Variants in NKAIN2 observed in about 807,000 individuals in gnomAD.
NKAIN2 encodes the protein sodium/potassium-transporting ATPase subunit beta-1-interacting protein 2.
In NKAIN2, 14 loss-of-function variants were observed where a neutral mutation model predicts 32.6. The observed-to-expected ratio is 0.43, with a 90% confidence interval of 0.28 to 0.67. The LOEUF is 0.67. NKAIN2 is among the 30% of genes least tolerant of loss of function. NKAIN2 has a pLI of 0.17. For synonymous variants in NKAIN2, 80 were observed against 87.2 expected, an observed-to-expected ratio of 0.92 and a Z score of 0.46; for missense variants, 198 against 258.3, an observed-to-expected ratio of 0.77 and a Z score of 1.60.
intron 1 of NKAIN2, among the ~76,000 whole-genome samples, chr6:124,143,246 C>A (rs1787228995): frequency 6.6e-6 from 1 of 152,136 alleles, no homozygotes; most frequent in African/African-American, 2.4e-5. Flanking sequence ...CTGCTTGAAG[C>A]CATGAGAATG....
intron 5 of NKAIN2, among the ~76,000 whole-genome samples, chr6:124,812,316 C>A (rs921632618): frequency 2.0e-5 from 3 of 152,154 alleles, no homozygotes; most frequent in Admixed American, 6.6e-5. Context: ...TTACTAGCAT[C>A]TTCTGTGCTC....
At chr6:124,204,875 A>T (rs923529551) in intron 1 of NKAIN2, among the ~76,000 whole-genome samples, 1 of 151,654 alleles carries the variant, frequency 6.6e-6, no homozygotes, top group Non-Finnish European at 1.5e-5. Flanking sequence ...ACTATAATAC[A>T]GTCTGCTTCC....
At chr6:124,107,501 A>T (rs973793207) in intron 1 of NKAIN2, among the ~76,000 whole-genome samples, 2 of 152,142 alleles carry the variant, frequency 1.3e-5, no homozygotes, top group Admixed American at 6.5e-5. Flanking sequence ...CATTATTCAT[A>T]CTGTGTACCA....
intron 1 of NKAIN2, among the ~76,000 whole-genome samples, chr6:124,050,332 G>A (rs781104411): frequency 1.3e-5 from 2 of 151,998 alleles, no homozygotes; most frequent in East Asian, 1.9e-4. Flanking sequence ...TGGTCAAAGC[G>A]TTGGAGGTGG....
At chr6:124,339,477 C>T (rs1221981915) in intron 2 of NKAIN2, among the ~76,000 whole-genome samples, 1 of 152,170 alleles carries the variant, frequency 6.6e-6, no homozygotes, top group Non-Finnish European at 1.5e-5. Flanking sequence ...ATCCTTGCCT[C>T]TTCCAGGTTC....
At chr6:124,384,095 G>C (rs1349515385) in intron 3 of NKAIN2, among the ~76,000 whole-genome samples, 1 of 152,006 alleles carries the variant, frequency 6.6e-6, no homozygotes, top group African/African-American at 2.4e-5. Flanking sequence ...TAGAAATACT[G>C]CTATCCCAAA....
At chr6:124,490,416 T>TTTA (rs1341545584) in intron 3 of NKAIN2, 35 of 410,928 alleles carry the variant, frequency 8.5e-5, no homozygotes, top group Admixed American at 6.6e-4. Flanking sequence ...ATAGAGGTTT[T>TTTA]TTTTTTTTTT....
intron 4 of NKAIN2, among the ~76,000 whole-genome samples, chr6:124,679,244 T>C (rs1276001681): frequency 6.6e-6 from 1 of 152,150 alleles, no homozygotes; most frequent in Non-Finnish European, 1.5e-5. Flanking sequence ...CATTCTACCC[T>C]GAACCCGGGA....
At chr6:124,516,725 A>G (rs1489465791) in intron 3 of NKAIN2, among the ~76,000 whole-genome samples, 2 of 152,136 alleles carry the variant, frequency 1.3e-5, no homozygotes, top group Non-Finnish European at 2.9e-5. Context: ...ACCATAACCA[A>G]TTAGACACCT....
intron 5 of NKAIN2, among the ~76,000 whole-genome samples, chr6:124,809,475 A>T (rs1430633658): frequency 4.0e-3 from 589 of 148,500 alleles, no homozygotes; most frequent in Middle Eastern, 0.014. Context: ...CTTATACAAA[A>T]ATCAATTCAA....
intron 1 of NKAIN2, among the ~76,000 whole-genome samples, chr6:124,151,400 C>T (rs1787714799): frequency 6.6e-6 from 1 of 152,006 alleles, no homozygotes; most frequent in Non-Finnish European, 1.5e-5. Context: ...ATCCTCCTTT[C>T]TCCCTTCCAT....
At chr6:124,636,587 G>A (rs1783782000) in intron 3 of NKAIN2, among the ~76,000 whole-genome samples, 2 of 151,848 alleles carry the variant, frequency 1.3e-5, no homozygotes, top group Admixed American at 6.6e-5. Context: ...CATTACAACT[G>A]ATACCACAAA....
At chr6:124,185,733 GCTT>G (rs966613000) in intron 1 of NKAIN2, among the ~76,000 whole-genome samples, 1 of 152,114 alleles carries the variant, frequency 6.6e-6, no homozygotes, top group African/African-American at 2.4e-5. Flanking sequence ...CAGTTTCACA[GCTT>G]CTTCTTTTTA....
At chr6:123,809,383 A>G (rs1407089481) in intron 1 of NKAIN2, among the ~76,000 whole-genome samples, 1 of 152,066 alleles carries the variant, frequency 6.6e-6, no homozygotes, top group Non-Finnish European at 1.5e-5. Flanking sequence ...ATTTATTCCT[A>G]ATTTCTATAG....
At chr6:124,188,497 C>T (rs1190419727) in intron 1 of NKAIN2, among the ~76,000 whole-genome samples, 2 of 152,114 alleles carry the variant, frequency 1.3e-5, no homozygotes, top group Non-Finnish European at 2.9e-5. Context: ...TTATAAAATG[C>T]CTTCATGGTA....
chr6:123,918,039 T>C (rs1775578047), intron 1 of NKAIN2, among the ~76,000 whole-genome samples: 2 of 152,192 alleles, frequency 1.3e-5, no homozygotes, highest in Admixed American at 6.5e-5. Flanking sequence ...AATTATGTCC[T>C]TATTATATGA....
intron 1 of NKAIN2, among the ~76,000 whole-genome samples, chr6:123,845,445 C>T (rs1405507418): frequency 6.6e-6 from 1 of 152,162 alleles, no homozygotes; most frequent in East Asian, 1.9e-4. Flanking sequence ...GATGCGTTTT[C>T]CTTTTATACT....
At chr6:124,031,714 G>A (rs555412842) in intron 1 of NKAIN2, among the ~76,000 whole-genome samples, 1 of 152,110 alleles carries the variant, frequency 6.6e-6, no homozygotes, top group Non-Finnish European at 1.5e-5. Flanking sequence ...ATGTAGTTGA[G>A]CGATTTTGAG....
At chr6:124,411,889 T>C (rs1774204195) in intron 3 of NKAIN2, among the ~76,000 whole-genome samples, 1 of 152,128 alleles carries the variant, frequency 6.6e-6, no homozygotes, top group African/African-American at 2.4e-5. Context: ...TTCTTTTTAT[T>C]CTTTTTCTCT....
Sources: gnomAD v4.1 joint callset for allele counts (sites outside exome capture counted in the v4.1 genomes callset) on GRCh38, gnomAD v4.1.1 for gene constraint, MANE v1.5 for transcripts, NCBI Gene and HGNC (gene_info 2026-07-23, HGNC 2026-07-21) for gene names.